The following SHPRH variants were observed in gnomAD, a reference collection of about 807,000 sequenced individuals.
SHPRH encodes SNF2 histone linker PHD RING helicase.
Under a neutral mutation model 202.5 loss-of-function variants are expected in SHPRH, and 106 were observed. That is an observed-to-expected ratio of 0.52 (90% CI 0.45 to 0.62). The LOEUF is 0.62. Ranked by LOEUF, SHPRH falls within the 20% of genes least tolerant of loss-of-function variation. The probability of loss-of-function intolerance (pLI) is 0.00; values close to 1 mark genes in which losing one functional copy is unlikely to be tolerated. For missense variants in SHPRH, 1,710 were observed against 2,020.0 expected (o/e 0.85, Z 2.94); for synonymous variants, 729 against 686.0 (o/e 1.06, Z -0.98).
intron 27 of SHPRH, among the ~76,000 whole-genome samples, chr6:145,893,913 C>CT (rs1781785728): frequency 6.8e-6 from 1 of 146,364 alleles, no homozygotes; most frequent in South Asian, 2.2e-4. Flanking sequence ...TTTTCCTGTA[C>CT]TAAAAAAAAA....
intron 13 of SHPRH, among the ~76,000 whole-genome samples, chr6:145,933,638 AACTGTAC>A (rs1785709982): frequency 6.6e-6 from 1 of 152,210 alleles, no homozygotes; most frequent in South Asian, 2.1e-4. Flanking sequence ...TTCGGACTCT[AACTGTAC>A]ACAGCAATTT....
intron 25 of SHPRH, among the ~76,000 whole-genome samples, chr6:145,902,531 A>T (rs1562300396): frequency 6.6e-6 from 1 of 152,144 alleles, no homozygotes; most frequent in Non-Finnish European, 1.5e-5. Flanking sequence ...ACCAAGTAGC[A>T]TCTGATCTAG....
intron 25 of SHPRH, among the ~76,000 whole-genome samples, chr6:145,900,548 A>G (rs1021102901): frequency 6.6e-6 from 1 of 151,046 alleles, no homozygotes; most frequent in African/African-American, 2.5e-5. Context: ...TTAGTTAGAC[A>G]GAAGGAACAG....
At position 145,954,721 on chromosome 6, in the gene SHPRH, TAG is replaced by T; in HGVS notation, c.600_601del (p.Tyr201SerfsTer28). The T allele has an allele frequency of 1.9e-6, 3 of 1,593,508 alleles. No individual in the cohort carries two copies. Among genetic ancestry groups the T allele is most frequent in the Non-Finnish European group, 2.6e-6 (3 of 1,174,526 alleles). On this transcript the variant is annotated frameshift_variant, in exon 2 of 30. Coordinates refer to ENST00000275233, the MANE Select transcript of SHPRH (RefSeq NM_001042683.3). LOFTEE classifies it high-confidence loss of function. ...AATGTGATTTCCTTCTGGTTTCTGA[TAG>T]AGTTTTATTCTTCTCTTCTTTTGTA...
chr6:145,936,277 T>C (rs1786057905), intron 11 of SHPRH, among the ~76,000 whole-genome samples: 2 of 152,100 alleles, frequency 1.3e-5, no homozygotes, highest in African/African-American at 4.8e-5. Flanking sequence ...CTCAAATATA[T>C]AAACATCTAT....
chr6:145,947,096 T>C (rs1200783726), intron 6 of SHPRH, among the ~76,000 whole-genome samples: 2 of 152,122 alleles, frequency 1.3e-5, no homozygotes. Flanking sequence ...AAAGTTCTAA[T>C]TATTTGGTTC....
At chr6:145,928,400 TACAAGATGTTC>T (rs879628652) in intron 14 of SHPRH, among the ~76,000 whole-genome samples, 6,029 of 151,918 alleles carry the variant, frequency 0.04, 397 homozygotes, top group African/African-American at 0.13. Context: ...CAAAAAAAGG[TACAAGATGTTC>T]TAGCTTTTAT....
chr6:145,872,118 T>C (rs968286240), intron 2 of SHPRH, among the ~76,000 whole-genome samples: 19 of 152,272 alleles, frequency 1.2e-4, no homozygotes, highest in African/African-American at 4.6e-4. Flanking sequence ...GGCAATACCA[T>C]TTAGGATATA....
chr6:145,882,773 GTTAA>G (rs1326124756), downstream of SHPRH, among the ~76,000 whole-genome samples: 1 of 152,174 alleles, frequency 6.6e-6, no homozygotes, highest in Non-Finnish European at 1.5e-5. Context: ...TGCAGTAAAT[GTTAA>G]TTAAATAGTC....
chr6:145,873,281 G>C (rs942318238), intron 2 of SHPRH, among the ~76,000 whole-genome samples: 1 of 152,092 alleles, frequency 6.6e-6, no homozygotes, highest in Non-Finnish European at 1.5e-5. Flanking sequence ...CATTTTGAGG[G>C]TGGGCTTGAT....
At chr6:145,867,729 G>T (rs896235456) in intron 2 of SHPRH, among the ~76,000 whole-genome samples, 6 of 148,580 alleles carry the variant, frequency 4.0e-5, no homozygotes, top group African/African-American at 1.5e-4. Flanking sequence ...CACAGAGGTA[G>T]TTTGGAGTAT....
chr6:145,936,425 G>A (rs987461024), intron 11 of SHPRH, among the ~76,000 whole-genome samples: 2 of 152,080 alleles, frequency 1.3e-5, no homozygotes, highest in African/African-American at 4.8e-5. Flanking sequence ...AACTTCCTGG[G>A]CTCAAGTGAT....
intron 15 of SHPRH, 37 bp downstream of exon 15, chr6:145,927,152 A>G (rs1382368766): frequency 6.3e-7 from 1 of 1,576,960 alleles, no homozygotes; most frequent in South Asian, 1.1e-5. Flanking sequence ...TAAAAAAACA[A>G]ACAGAATACC....
intron 1 of SHPRH, among the ~76,000 whole-genome samples, chr6:145,961,389 C>T (rs1789076522): frequency 6.6e-6 from 1 of 152,128 alleles, no homozygotes; most frequent in Non-Finnish European, 1.5e-5. Flanking sequence ...TTATGGATAA[C>T]CAGCTGCCAA....
intron 1 of SHPRH, 133 bp from the exon 2 acceptor site, chr6:145,955,487 T>C (rs1562376446): frequency 1.2e-6 from 1 of 807,314 alleles, no homozygotes; most frequent in Non-Finnish European, 1.8e-6. Context: ...TATAAGGCAA[T>C]GAGTAATTTT....
rs1441207165 is a variant in SHPRH, at chr6:145,959,843, T to C, written c.-33+3888A>G. Among the ~76,000 whole-genome samples, 5 of 152,252 alleles carry C rather than the reference T, an allele frequency of 3.3e-5. 1 individual carries two copies. The highest frequency in any genetic ancestry group is 3.3e-4 in the Admixed American group (5 of 15,286). ...ATCCTTGGCTATGGTCAACTACTTT[T>C]AAAGCATCTTATCCTCTCTTATCTT... On this transcript the variant is annotated intron_variant, in intron 1 of 29. Coordinates refer to ENST00000275233, the MANE Select transcript of SHPRH (RefSeq NM_001042683.3).
rs1200404953 is a variant in SHPRH, at chr6:145,915,146, GAATTATAAATATAT to G, written c.4255-1611_4255-1598del. Reference sequence around the variant, plus strand: ...ATATAATTATAAATATATTTTGGCAGAATTATAAATATATAATTATAAATATAAATATTATAATA... The same window carrying G: ...ATATAATTATAAATATATTTTGGCAGAATTATAAATATAAATATTATAATA... On this transcript the variant is annotated intron_variant, in intron 23 of 29. Coordinates refer to ENST00000275233, the MANE Select transcript of SHPRH (RefSeq NM_001042683.3). Among the ~76,000 whole-genome samples, 37 of 143,510 alleles carry G rather than the reference GAATTATAAATATAT, an allele frequency of 2.6e-4. No individual in the cohort carries two copies. The South Asian group carries it at 4.2e-3, about 16-fold the overall frequency. The allele number at this position is 143,510 out of a possible 152,430, so 94.1% of individuals were successfully genotyped here. A position where few individuals can be genotyped will look rare whatever the true frequency, so the allele number is the denominator to read the frequency against.
chr6:145,866,568 C>T (rs989012878), intron 2 of SHPRH, among the ~76,000 whole-genome samples: 1 of 152,158 alleles, frequency 6.6e-6, no homozygotes, highest in Non-Finnish European at 1.5e-5. Context: ...TTATCATTAT[C>T]AGACATTATT....
At chr6:145,940,244 CTT>C (rs764153220) in intron 11 of SHPRH, among the ~76,000 whole-genome samples, 1 of 152,018 alleles carries the variant, frequency 6.6e-6, no homozygotes, top group East Asian at 1.9e-4. Flanking sequence ...CTACTAATAA[CTT>C]ATATAATTAC....
Sources: gnomAD v4.1 joint callset for allele counts (sites outside exome capture counted in the v4.1 genomes callset) on GRCh38, gnomAD v4.1.1 for gene constraint, MANE v1.5 for transcripts, NCBI Gene and HGNC (gene_info 2026-07-23, HGNC 2026-07-21) for gene names.